The following SATL1 variants were observed in gnomAD, a reference collection of about 807,000 sequenced individuals.
The protein encoded by SATL1 is spermidine/spermine N1-acetyl transferase like 1, also known as spermidine/spermine N(1)-acetyltransferase-like protein 1.
SATL1 carries 47 observed loss-of-function variants against 51.8 expected under a neutral mutation model. The ratio of observed to expected loss-of-function variants is 0.91; its 90% CI spans 0.72 to 1.16. The LOEUF (loss-of-function observed/expected upper bound fraction) is 1.16. Ranked by LOEUF, SATL1 falls within the 50% of genes most tolerant of loss-of-function variation. The pLI, the probability that SATL1 is intolerant of heterozygous loss-of-function variation, is 0.00. For synonymous variants in SATL1, 176 were observed against 182.4 expected (o/e 0.97, Z 0.28); for missense variants, 520 against 526.4 (o/e 0.99, Z 0.12).
intron 2 of SATL1, among the ~76,000 whole-genome samples, chrX:85,176,491 A>G (rs1419522929): frequency 9.0e-6 from 1 of 111,650 alleles, no homozygotes. Flanking sequence ...AAATAAATCT[A>G]TCGTACATCT....
At chrX:85,126,291 C>A (rs957258473) in intron 2 of SATL1, among the ~76,000 whole-genome samples, 1 of 111,476 alleles carries the variant, frequency 9.0e-6, no homozygotes, top group African/African-American at 3.3e-5. Context: ...TCAGTCCTTC[C>A]TGTGGATCTA....
At chrX:85,136,603 G>T (rs1266429152) in intron 2 of SATL1, among the ~76,000 whole-genome samples, 1 of 111,900 alleles carries the variant, frequency 8.9e-6, no homozygotes, top group East Asian at 2.8e-4. Context: ...GTGCCTGCTG[G>T]ATTTAGCAAC....
At chrX:85,192,697 A>G (rs1395898476) in intron 2 of SATL1, among the ~76,000 whole-genome samples, 1 of 111,600 alleles carries the variant, frequency 9.0e-6, no homozygotes, top group East Asian at 2.8e-4. Context: ...TGCATACTAC[A>G]TTGAATTATA....
intron 2 of SATL1, among the ~76,000 whole-genome samples, chrX:85,110,171 A>C (rs1440514702): frequency 1.8e-5 from 2 of 111,698 alleles, no homozygotes; most frequent in African/African-American, 6.5e-5. Flanking sequence ...TACCTCCCCA[A>C]GGCTTCGTAA....
At chrX:85,225,453 A>G (rs777219598) in intron 1 of SATL1, among the ~76,000 whole-genome samples, 4 of 112,471 alleles carry the variant, frequency 3.6e-5, no homozygotes, top group African/African-American at 9.7e-5. Context: ...ATTCAACAAA[A>G]ATTAAATGTC....
chrX:85,212,707 G>C (rs1232499562), intron 2 of SATL1: 1 of 109,923 alleles, frequency 9.1e-6, no homozygotes, highest in Non-Finnish European at 1.9e-5. Context: ...GTCCAAACAG[G>C]ACAGTCTTTA....
chrX:85,096,165 A>G (rs1392543078), intron 4 of SATL1, among the ~76,000 whole-genome samples: 3 of 111,550 alleles, frequency 2.7e-5, no homozygotes, highest in Admixed American at 9.6e-5. Flanking sequence ...ATGCACAAAT[A>G]CAGGAAAAAT....
At chrX:85,199,569 A>G (rs778893148) in intron 2 of SATL1, among the ~76,000 whole-genome samples, 14 of 112,269 alleles carry the variant, frequency 1.2e-4, no homozygotes, top group Non-Finnish European at 2.6e-4. Context: ...TGTGGTACCT[A>G]TACACAATGA....
intron 2 of SATL1, among the ~76,000 whole-genome samples, chrX:85,133,608 G>A (rs187230023): frequency 1.6e-4 from 18 of 111,934 alleles, no homozygotes; most frequent in African/African-American, 5.2e-4. Context: ...CATGCCTCCC[G>A]GCTGAGGCAA....
intron 2 of SATL1, among the ~76,000 whole-genome samples, chrX:85,198,401 C>A (rs1225708160): frequency 1.8e-5 from 2 of 111,555 alleles, no homozygotes; most frequent in Non-Finnish European, 3.8e-5. Flanking sequence ...CTTGAGGAAT[C>A]TCCAAACTGT....
intron 4 of SATL1, 24 bp downstream of exon 4, chrX:85,103,840 T>G: frequency 1.8e-6 from 2 of 1,134,542 alleles, no homozygotes; most frequent in Non-Finnish European, 2.4e-6. Flanking sequence ...TTTCTTGCTC[T>G]GAAAATACCA....
chrX:85,174,273 A>C, intron 2 of SATL1, among the ~76,000 whole-genome samples: 1 of 110,492 alleles, frequency 9.1e-6, no homozygotes, highest in Admixed American at 9.7e-5. Flanking sequence ...AAAAAGACCA[A>C]ATACCTAAGC....
intron 2 of SATL1, among the ~76,000 whole-genome samples, chrX:85,145,732 TC>T (rs1416057137): frequency 9.0e-6 from 1 of 110,693 alleles, no homozygotes; most frequent in Non-Finnish European, 1.9e-5. Context: ...ACCTAACCGA[TC>T]TTTTCATGTC....
intron 2 of SATL1, among the ~76,000 whole-genome samples, chrX:85,185,371 A>C (rs1927291439): frequency 8.9e-6 from 1 of 112,603 alleles, no homozygotes. Context: ...CTCTACAATT[A>C]GCAGGTGGCG....
At chrX:85,172,314 A>G (rs1375831524) in intron 2 of SATL1, among the ~76,000 whole-genome samples, 1 of 111,644 alleles carries the variant, frequency 9.0e-6, no homozygotes, top group African/African-American at 3.2e-5. Context: ...TACATGTTAG[A>G]CACTCTATTT....
chrX:85,098,719 A>T (rs149584987), intron 4 of SATL1, among the ~76,000 whole-genome samples: 10 of 111,962 alleles, frequency 8.9e-5, no homozygotes, highest in African/African-American at 3.2e-4. Flanking sequence ...TGGGTCAAAG[A>T]GGAAAGTATA....
chrX:85,236,552 G>A (rs1928484005), intron 1 of SATL1, among the ~76,000 whole-genome samples: 1 of 111,514 alleles, frequency 9.0e-6, no homozygotes, highest in East Asian at 2.8e-4. Flanking sequence ...ATCAATCGAT[G>A]TGATACATCA....
At chrX:85,133,786 C>G (rs1203781606) in intron 2 of SATL1, among the ~76,000 whole-genome samples, 3 of 111,743 alleles carry the variant, frequency 2.7e-5, no homozygotes, top group African/African-American at 6.5e-5. Context: ...CATCTTGGAC[C>G]AATCCTCTGA....
At chrX:85,159,673 T>G (rs1926672539) in intron 2 of SATL1, among the ~76,000 whole-genome samples, 1 of 111,430 alleles carries the variant, frequency 9.0e-6, no homozygotes, top group African/African-American at 3.3e-5. Flanking sequence ...AACGTTTTGC[T>G]TTAAAAAATA....
Sources: gnomAD v4.1 joint callset for allele counts (sites outside exome capture counted in the v4.1 genomes callset) on GRCh38, gnomAD v4.1.1 for gene constraint, MANE v1.5 for transcripts, NCBI Gene and HGNC (gene_info 2026-07-23, HGNC 2026-07-21) for gene names.